The following ERCC3 variants were observed in gnomAD, a reference collection of about 807,000 sequenced individuals.
The protein encoded by ERCC3 is ERCC excision repair 3, TFIIH core complex helicase subunit.
Under a neutral mutation model 94.2 loss-of-function variants are expected in ERCC3, and 66 were observed. The observed-to-expected ratio is 0.70, with a 90% CI of 0.57 to 0.86. The LOEUF is 0.86. Ranked by LOEUF, ERCC3 falls within the 40% of genes least tolerant of loss-of-function variation. The pLI is 0.00. For missense variants in ERCC3, 829 were observed against 987.1 expected, an observed-to-expected ratio of 0.84 and a Z score of 2.15; for synonymous variants, 349 against 369.1, an observed-to-expected ratio of 0.95 and a Z score of 0.63.
intron 2 of ERCC3, among the ~76,000 whole-genome samples, chr2:127,293,179 C>T (rs887812275): frequency 9.2e-5 from 14 of 152,180 alleles, no homozygotes; most frequent in African/African-American, 3.1e-4. Flanking sequence ...AGCTTGCTAC[C>T]GAACATGTCT....
rs1349162058 is a variant in ERCC3, at chr2:127,271,895, GACTGTA to G, written c.1828-448_1828-443del. 6.6e-6 allele frequency among the ~76,000 whole-genome samples: 1 copy of G among 151,856 alleles called. No homozygotes were observed. Among genetic ancestry groups the G allele is most frequent in the Non-Finnish European group, 1.5e-5 (1 of 68,008 alleles). ...GAACAACTGCCCCATATGGAATTCT[GACTGTA>G]GGTGGATTCCTCAGCTCTGGGGCTC... On this transcript the variant is annotated intron_variant, in intron 11 of 14. Coordinates refer to ENST00000285398, the MANE Select transcript of ERCC3 (RefSeq NM_000122.2). This position sits in a 1 kb window ranked among gnomAD's most constrained non-coding sequence, Gnocchi z 5.0.
rs1684295627 is a variant in ERCC3, at chr2:127,264,541, A to G, written c.1946-3195T>C. ...TTCATTTTTAATTATGTGGTGAATC[A>G]TATTTATTGATTTCCACATGTTGAA... On this transcript the variant is annotated intron_variant, in intron 12 of 14. Transcript: ENST00000285398. The surrounding 1 kb of genome is among the most constrained non-coding windows in gnomAD (Gnocchi z 4.4). Among the ~76,000 whole-genome samples the G allele has an allele frequency of 6.6e-6, 1 of 152,234 alleles. No homozygotes were observed. The highest frequency in any genetic ancestry group is 2.4e-5 in the African/African-American group (1 of 41,460).
chr2:127,265,972 T>A (rs2104739519), intron 12 of ERCC3, among the ~76,000 whole-genome samples: 1 of 152,328 alleles, frequency 6.6e-6, no homozygotes, highest in Non-Finnish European at 1.5e-5. Flanking sequence ...AGAGATTTAG[T>A]ATGTTGTATC....
rs121913047 is a variant in ERCC3, at chr2:127,286,772, G to A, written c.1273C>T (p.Arg425Ter). The A allele has an allele frequency of 5.6e-6, 9 of 1,613,996 alleles. No homozygotes were observed. The highest frequency in any genetic ancestry group is 2.2e-5 in the East Asian group (1 of 44,884). The change falls in exon 8 of 15, where the codon CGA becomes TGA. Residue 425 changes from arginine (R) to a stop codon, truncating the protein, a stop_gained. Transcript: ENST00000285398. LOFTEE classifies it high-confidence loss of function. ...TGGGTCTTGAGCCACTCCATGACTC[G>A]CTCGGCCTCCCAGGACCTTTTGGTG... ...HTTKRSWEAE[R>*]VMEWLKTQEW...
At chr2:127,275,889 CCGATACA>C (rs1684722795) in intron 10 of ERCC3, among the ~76,000 whole-genome samples, 1 of 152,126 alleles carries the variant, frequency 6.6e-6, no homozygotes, top group Non-Finnish European at 1.5e-5. Context: ...GGAGGGAAGA[CCGATACA>C]AAACCCGCCG....
intron 7 of ERCC3, 109 bp downstream of exon 7, chr2:127,288,551 G>A: frequency 1.0e-6 from 1 of 983,232 alleles, no homozygotes; most frequent in Admixed American, 1.7e-5. Flanking sequence ...CCTGATCTTG[G>A]CTTTTCAGCA....
Position 127,290,271 on chromosome 2 carries a change from C to T in ERCC3, c.474G>A (p.Leu158=). The T allele has an allele frequency of 6.2e-7, 1 of 1,613,130 alleles. No homozygotes were observed. Among genetic ancestry groups the T allele is most frequent in the Non-Finnish European group, 8.5e-7 (1 of 1,179,054 alleles). ...TGACTTTTCCATAGCTGACAGTACA[C>T]AACTGCAAATACAGATAACATCCAA... The part of the protein sequence containing the change: ...VPDGIMQFIK[L]CTVSYGKVKL... Residue 158 remains leucine, a splice_region_variant and synonymous_variant, in exon 4 of 15, where the codon TTG becomes TTA. Coordinates refer to ENST00000285398, the MANE Select transcript of ERCC3 (RefSeq NM_000122.2).
In ERCC3 at chr2:127,277,120, G is replaced by A. The variant is rs929964014; in HGVS notation, c.1730+2053C>T. On this transcript the variant is annotated intron_variant, in intron 10 of 14. Coordinates refer to ENST00000285398, the MANE Select transcript of ERCC3 (RefSeq NM_000122.2). This position sits in a 1 kb window ranked among gnomAD's most constrained non-coding sequence, Gnocchi z 5.1. ...TGGGAAACACAACAAAGAGGCCCAG[G>A]GAAGTCATGGGGTAGTGTCCAAGGG... is the stretch of plus-strand genomic sequence containing the variant. 6.6e-6 allele frequency among the ~76,000 whole-genome samples: 1 copy of A among 152,140 alleles called. No individual in the cohort carries two copies. Among genetic ancestry groups the A allele is most frequent in the South Asian group, 2.1e-4 (1 of 4,820 alleles).
At position 127,271,269 on chromosome 2, in the gene ERCC3, C is replaced by A; in HGVS notation, c.1945+67G>T. 3 of 1,100,564 alleles carry A rather than the reference C, an allele frequency of 2.7e-6. No homozygotes were observed. Among genetic ancestry groups the A allele is most frequent in the Non-Finnish European group, 4.2e-6 (3 of 711,530 alleles). The allele number at this position is 1,100,564 out of a possible 1,614,324, so 68.2% of individuals were successfully genotyped here. ...GGCACATGGCAGCTCTCACCCCTAT[C>A]GTCTTCCTAACTAAAGTGGTTTAAG... On this transcript the variant is annotated intron_variant, in intron 12 of 14. Transcript: ENST00000285398. This position sits in a 1 kb window ranked among gnomAD's most constrained non-coding sequence, Gnocchi z 5.0.
rs1558962211 is a variant in ERCC3 at position 127,288,877 on chromosome 2, C to T, written c.823-13G>A. On this transcript the variant is annotated splice_polypyrimidine_tract_variant and intron_variant, in intron 6 of 14. Transcript: ENST00000285398. Reference sequence around the variant, plus strand: ...CCTCAATCATTTCCTGGAAAGAGGGCACAAAAGGGGTTTTAAAATCTTGTT... The same window carrying T: ...CCTCAATCATTTCCTGGAAAGAGGGTACAAAAGGGGTTTTAAAATCTTGTT... 3 of 1,604,272 alleles carry T rather than the reference C, an allele frequency of 1.9e-6. No individual in the cohort carries two copies. The highest frequency in any genetic ancestry group is 1.1e-5 in the South Asian group (1 of 90,830).
Position 127,294,105 on chromosome 2 carries a change from G to C in ERCC3, c.-24C>G, listed in dbSNP as rs2104784516. On this transcript the variant is annotated 5_prime_UTR_variant, in exon 1 of 15. It adds an upstream start codon to the 5' untranslated region. Coordinates refer to ENST00000285398, the MANE Select transcript of ERCC3 (RefSeq NM_000122.2). ...ATGGCAGCTACAGCAGCAGAGAGAA[G>C]ATGACCCCGCTCCCACAGGCCCGCC... 3.7e-6 allele frequency: 6 copies of C among 1,605,682 alleles called. No homozygotes were observed. The highest frequency in any genetic ancestry group is 5.1e-6 in the Non-Finnish European group (6 of 1,179,188).
chr2:127,272,715 A>G, intron 11 of ERCC3, 150 bp downstream of exon 11: 1 of 653,634 alleles, frequency 1.5e-6, no homozygotes, highest in Non-Finnish European at 2.8e-6. Flanking sequence ...AACCCCAGGC[A>G]GTGCCCCCTA....
intron 12 of ERCC3, among the ~76,000 whole-genome samples, chr2:127,270,141 T>C (rs80248201): frequency 1.3e-5 from 2 of 152,088 alleles, no homozygotes; most frequent in East Asian, 3.9e-4. Context: ...AAAGCTACTG[T>C]CTCAGCCTCC....
chr2:127,265,737 C>G (rs1684336534), intron 12 of ERCC3, among the ~76,000 whole-genome samples: 1 of 152,044 alleles, frequency 6.6e-6, no homozygotes, highest in Admixed American at 6.6e-5. Flanking sequence ...TTTCAAAGAA[C>G]CAGCTTTTTA....
chr2:127,290,289 AC>A lies in ERCC3; in HGVS notation c.472-17del. The stretch of plus-strand genomic sequence containing the variant: ...CAGTACACAACTGCAAATACAGATA[AC>A]ATCCAACAGGTAAATGTGCAGCTAA... On this transcript the variant is annotated splice_polypyrimidine_tract_variant and intron_variant, in intron 3 of 14. Transcript: ENST00000285398. 1 of 1,607,916 alleles carries A rather than the reference AC, an allele frequency of 6.2e-7. No homozygotes were observed. The highest frequency in any genetic ancestry group is 8.5e-7 in the Non-Finnish European group (1 of 1,174,382).
intron 3 of ERCC3, chr2:127,290,556 C>A (rs983573238): frequency 4.1e-6 from 2 of 482,642 alleles, no homozygotes; most frequent in Non-Finnish European, 7.6e-6. Flanking sequence ...CCTCTCTATT[C>A]CCACAGCCCC....
Position 127,277,586 on chromosome 2 carries a change from G to A in ERCC3, c.1730+1587C>T, listed in dbSNP as rs1364457133. 6.6e-6 allele frequency among the ~76,000 whole-genome samples: 1 copy of A among 152,096 alleles called. No individual in the cohort carries two copies. The highest frequency in any genetic ancestry group is 1.5e-5 in the Non-Finnish European group (1 of 68,028). On this transcript the variant is annotated intron_variant, in intron 10 of 14. Transcript: ENST00000285398. The surrounding 1 kb of genome is among the most constrained non-coding windows in gnomAD (Gnocchi z 5.1). ...GGTGCCTGTAGTCCCAGCTACTCAG[G>A]AGGCTGAGGCAGGAGAATCACTTGA... is the stretch of plus-strand genomic sequence containing the variant.
At chr2:127,275,375 A>G (rs1202736400) in intron 10 of ERCC3, among the ~76,000 whole-genome samples, 2 of 152,152 alleles carry the variant, frequency 1.3e-5, no homozygotes, top group African/African-American at 2.4e-5. Context: ...AAAAAACACT[A>G]CTTCATACAT....
At chr2:127,288,550 G>T in intron 7 of ERCC3, 110 bp downstream of exon 7, 1 of 966,314 alleles carries the variant, frequency 1.0e-6, no homozygotes, top group Non-Finnish European at 1.7e-6. Context: ...ACCTGATCTT[G>T]GCTTTTCAGC....
Sources: gnomAD v4.1 joint callset for allele counts (sites outside exome capture counted in the v4.1 genomes callset) on GRCh38, gnomAD v4.1.1 for gene constraint, Gnocchi (gnomAD v3.1) non-coding constraint, MANE v1.5 for transcripts, NCBI Gene and HGNC (gene_info 2026-07-23, HGNC 2026-07-21) for gene names.